Variants in PKN2 observed in about 807,000 individuals in gnomAD.
PKN2 encodes protein kinase N2.
Under a neutral mutation model 119.1 loss-of-function variants are expected in PKN2, and 38 were observed. The observed-to-expected ratio is 0.32, with a 90% CI of 0.25 to 0.42. The LOEUF (loss-of-function observed/expected upper bound fraction) is 0.42, where lower values mean the gene tolerates loss of function less well. Ranked by LOEUF, PKN2 falls within the 10% of genes least tolerant of loss-of-function variation. The pLI is 1.00. For missense variants in PKN2, 850 were observed against 1,165.1 expected, an observed-to-expected ratio of 0.73 and a Z score of 3.94; for synonymous variants, 390 against 384.9, an observed-to-expected ratio of 1.01 and a Z score of -0.15.
chr1:88,752,103 C>G (rs952907353), intron 2 of PKN2, among the ~76,000 whole-genome samples: 2 of 152,158 alleles, frequency 1.3e-5, no homozygotes, highest in African/African-American at 4.8e-5. Context: ...TTGTTAGCCT[C>G]TGTCCCTTTG....
At chr1:88,690,718 C>CA (rs1666297558) in intron 1 of PKN2, among the ~76,000 whole-genome samples, 1 of 151,454 alleles carries the variant, frequency 6.6e-6, no homozygotes. Context: ...TTTGCAATCA[C>CA]AAAAATGAAA....
At chr1:88,785,539 G>A (rs1670537058) in intron 7 of PKN2, among the ~76,000 whole-genome samples, 1 of 152,192 alleles carries the variant, frequency 6.6e-6, no homozygotes, top group Admixed American at 6.5e-5. Flanking sequence ...CTGAGATGGG[G>A]GATGGTAGGG....
intron 18 of PKN2, among the ~76,000 whole-genome samples, chr1:88,827,782 C>T (rs1672569193): frequency 6.6e-6 from 1 of 151,890 alleles, no homozygotes; most frequent in Non-Finnish European, 1.5e-5. Context: ...TGCAATGACA[C>T]AATCTCAGCT....
At chr1:88,809,713 C>G (rs1671702652) in intron 15 of PKN2, among the ~76,000 whole-genome samples, 1 of 152,140 alleles carries the variant, frequency 6.6e-6, no homozygotes, top group South Asian at 2.1e-4. Flanking sequence ...CCTTGAATTC[C>G]TGGGCTCAAG....
chr1:88,746,487 C>T (rs1296578344), intron 2 of PKN2, among the ~76,000 whole-genome samples: 2 of 125,070 alleles, frequency 1.6e-5, no homozygotes, highest in Admixed American at 1.6e-4. Flanking sequence ...TATAAATGGC[C>T]GACAGATAAT....
intron 3 of PKN2, among the ~76,000 whole-genome samples, chr1:88,767,848 A>G (rs371203732): frequency 6.6e-6 from 1 of 152,112 alleles, no homozygotes; most frequent in Non-Finnish European, 1.5e-5. Flanking sequence ...TATTCCCCTT[A>G]TCTCCAATCT....
chr1:88,799,983 T>G (rs1318732702), intron 8 of PKN2, among the ~76,000 whole-genome samples: 2 of 152,228 alleles, frequency 1.3e-5, no homozygotes, highest in African/African-American at 4.8e-5. Context: ...AATCTCATCT[T>G]TCCTCAGCTC....
At chr1:88,787,270 T>C (rs1196736833) in intron 8 of PKN2, among the ~76,000 whole-genome samples, 1 of 152,088 alleles carries the variant, frequency 6.6e-6, no homozygotes, top group African/African-American at 2.4e-5. Flanking sequence ...TCGAGCCTAT[T>C]TAAGGTAATT....
rs948046001 is a variant in PKN2 at position 88,835,512 on chromosome 1, T to G, written c.*2064T>G. 6.6e-5 allele frequency: 10 copies of G among 152,436 alleles called. No homozygotes were observed. Among genetic ancestry groups the G allele is most frequent in the African/African-American group, 2.2e-4 (9 of 41,450 alleles). The allele number at this position is 152,436 out of a possible 1,614,324, so 9.4% of individuals were successfully genotyped here. ...TAAAAAAATTAGAAGGCAGGGTCTA[T>G]TTACACAATTAAGCTGAAGAAAGCA... is the stretch of plus-strand genomic sequence containing the variant. On this transcript the variant is annotated 3_prime_UTR_variant, in exon 22 of 22. Transcript: ENST00000370521.
At chr1:88,696,264 G>T (rs1435286559) in intron 1 of PKN2, among the ~76,000 whole-genome samples, 1 of 152,166 alleles carries the variant, frequency 6.6e-6, no homozygotes, top group Non-Finnish European at 1.5e-5. Context: ...TTTAGTAACA[G>T]TTGCAGAAAA....
chr1:88,775,558 G>C (rs1342957073), intron 6 of PKN2, among the ~76,000 whole-genome samples: 1 of 152,106 alleles, frequency 6.6e-6, no homozygotes, highest in African/African-American at 2.4e-5. Flanking sequence ...TATGTATCAA[G>C]CTGTTATAAA....
intron 1 of PKN2, among the ~76,000 whole-genome samples, chr1:88,695,497 G>A (rs1666506733): frequency 6.6e-6 from 1 of 151,844 alleles, no homozygotes; most frequent in Non-Finnish European, 1.5e-5. Flanking sequence ...AACTCTTATT[G>A]ACACCCATCC....
chr1:88,769,874 C>T (rs1669812602), intron 3 of PKN2, among the ~76,000 whole-genome samples: 1 of 151,996 alleles, frequency 6.6e-6, no homozygotes, highest in South Asian at 2.1e-4. Context: ...ATGAATAAGT[C>T]CAGAGGTCTA....
Position 88,776,290 on chromosome 1 carries a change from T to G in PKN2, c.985+4411T>G, listed in dbSNP as rs370120474. Among the ~76,000 whole-genome samples the G allele has an allele frequency of 6.5e-3, 921 of 140,760 alleles. 15 individuals are homozygous for G. The South Asian group carries it at 0.078, about 12-fold the overall frequency. 92.3% of individuals were successfully genotyped at this position (140,760 alleles called of 152,430 possible). On this transcript the variant is annotated intron_variant, in intron 6 of 21. Transcript: ENST00000370521. ...ACTTCTCCCATCCTTCATTTCAATCTAAAAGGCTTCTTTAGCATTTCTTAT... is the reference window on the plus strand; with the variant it reads ...ACTTCTCCCATCCTTCATTTCAATCGAAAAGGCTTCTTTAGCATTTCTTAT...
At chr1:88,797,636 CAAAAAA>C (rs1162541843) in intron 8 of PKN2, among the ~76,000 whole-genome samples, 1 of 82,850 alleles carries the variant, frequency 1.2e-5, no homozygotes, top group South Asian at 3.9e-4. Context: ...GACTCCGTCT[CAAAAAA>C]AAAAAAAAAA....
At chr1:88,776,076 C>G (rs1383436963) in intron 6 of PKN2, among the ~76,000 whole-genome samples, 1 of 150,980 alleles carries the variant, frequency 6.6e-6, no homozygotes, top group Non-Finnish European at 1.5e-5. Flanking sequence ...CCACTGCACT[C>G]CAGCCTGGGT....
intron 2 of PKN2, among the ~76,000 whole-genome samples, chr1:88,742,880 A>G (rs1668630227): frequency 6.6e-6 from 1 of 152,120 alleles, no homozygotes; most frequent in Non-Finnish European, 1.5e-5. Context: ...TGGTTTCCCC[A>G]TTCGTTTTAT....
chr1:88,690,096 G>A (rs1181177639), intron 1 of PKN2, among the ~76,000 whole-genome samples: 1 of 152,164 alleles, frequency 6.6e-6, no homozygotes, highest in African/African-American at 2.4e-5. Context: ...TCTCATTAGT[G>A]TAATAGAGAT....
intron 1 of PKN2, among the ~76,000 whole-genome samples, chr1:88,688,209 C>T (rs1666183870): frequency 1.3e-5 from 2 of 152,150 alleles, no homozygotes; most frequent in Admixed American, 6.5e-5. Context: ...CCTCAGCCTC[C>T]CAAGTAGCTG....
Sources: gnomAD v4.1 joint callset for allele counts (sites outside exome capture counted in the v4.1 genomes callset) on GRCh38, gnomAD v4.1.1 for gene constraint, MANE v1.5 for transcripts, NCBI Gene and HGNC (gene_info 2026-07-23, HGNC 2026-07-21) for gene names.